ACAN: variants seen among roughly 807,000 people sequenced by gnomAD.
ACAN encodes the protein aggrecan core protein.
In ACAN, 47 loss-of-function variants were observed where a neutral mutation model predicts 169.1. The ratio of observed to expected loss-of-function variants is 0.28; its 90% CI spans 0.22 to 0.35. The LOEUF is 0.35. ACAN is among the 10% of genes least tolerant of loss of function. ACAN has a pLI of 1.00. For missense variants in ACAN, 2,716 were observed against 2,759.9 expected (o/e 0.98, Z 0.36); for synonymous variants, 1,115 against 1,112.2 (o/e 1.00, Z -0.05).
Position 88,866,815 on chromosome 15 carries a change from A to G in ACAN, c.6947-1401A>G, listed in dbSNP as rs1897287421. Among the ~76,000 whole-genome samples the G allele has an allele frequency of 1.3e-5, 2 of 152,188 alleles. No individual in the cohort carries two copies. The highest frequency in any genetic ancestry group is 2.9e-5 in the Non-Finnish European group (2 of 68,036). On this transcript the variant is annotated intron_variant, in intron 13 of 18. Coordinates refer to ENST00000560601, the MANE Select transcript of ACAN (RefSeq NM_001369268.1). This position sits in a 1 kb window ranked among gnomAD's most constrained non-coding sequence, Gnocchi z 5.6. The stretch of plus-strand genomic sequence containing the variant: ...GGTCTGGTCTGCTCTTATGGGAGGC[A>G]AGAACTAAGTCTTGGCACATGTTTA...
intron 6 of ACAN, 54 bp from the exon 7 acceptor site, chr15:88,845,451 C>A: frequency 6.5e-7 from 1 of 1,548,304 alleles, no homozygotes; most frequent in Non-Finnish European, 8.7e-7. Flanking sequence ...TCCTCATCCC[C>A]CTCAAGCCGG....
rs547042824 is a variant in ACAN at position 88,805,956 on chromosome 15, C to T, written c.-8+2147C>T. 5.9e-5 allele frequency among the ~76,000 whole-genome samples: 9 copies of T among 152,272 alleles called. No individual in the cohort carries two copies. The South Asian group carries it at 6.2e-4, about 11-fold the overall frequency. On this transcript the variant is annotated intron_variant, in intron 1 of 18. Coordinates refer to ENST00000560601, the MANE Select transcript of ACAN (RefSeq NM_001369268.1). ...TTCTCCTCCTCTTATGCCCCCTCCC[C>T]AATTAGAGAGGGAGCTCCAAGAGAG...
In ACAN at chr15:88,851,620, T is replaced by C. The variant is rs2141595310; in HGVS notation, c.2027-174T>C. 3 of 676,738 alleles carry C rather than the reference T, an allele frequency of 4.4e-6. No homozygotes were observed. Among genetic ancestry groups the C allele is most frequent in the East Asian group, 5.5e-5 (2 of 36,106 alleles). 41.9% of individuals were successfully genotyped at this position (676,738 alleles called of 1,614,324 possible). A position where few individuals can be genotyped will look rare whatever the true frequency, so the allele number is the denominator to read the frequency against. ...AAAGTGCTGATGGTGCATATGGATA[T>C]TATATCATTGGTGCCGATGGCTCTT... On this transcript the variant is annotated intron_variant, in intron 10 of 18. Transcript: ENST00000560601. This position sits in a 1 kb window ranked among gnomAD's most constrained non-coding sequence, Gnocchi z 4.3.
intron 1 of ACAN, among the ~76,000 whole-genome samples, chr15:88,833,406 C>T (rs188185695): frequency 1.2e-4 from 19 of 152,252 alleles, no homozygotes; most frequent in African/African-American, 4.1e-4. Flanking sequence ...TCAGGCTCCC[C>T]GTCCCCTTCC....
chr15:88,857,141 C>A lies in ACAN; in HGVS notation c.4556C>A (p.Ala1519Asp), dbSNP rs2141607165. The change falls in exon 12 of 19, where the codon GCT becomes GAT. Residue 1519 changes from alanine (A) to aspartate (D), a missense_variant. This residue lies in a region of ACAN where 1,389 missense variants were observed against 1,363.7 expected (regional missense o/e 1.02). Transcript: ENST00000560601. ...LPSGEGLETS[A>D]SGVEDLSRLP... ...TCAGGAGAAGGTCTAGAGACCTCTG[C>A]TTCTGGAGTAGAGGACCTCAGCAGG... is the stretch of plus-strand genomic sequence containing the variant. 6.2e-7 allele frequency: 1 copy of A among 1,607,228 alleles called. No homozygotes were observed.
Position 88,874,753 on chromosome 15 carries a change from C to G in ACAN, c.*272C>G. On this transcript the variant is annotated 3_prime_UTR_variant, in exon 19 of 19. Transcript: ENST00000560601. The surrounding 1 kb of genome is among the most constrained non-coding windows in gnomAD (Gnocchi z 7.3). The stretch of plus-strand genomic sequence containing the variant: ...TAGAGACATTTCTTCAATTTCCCAT[C>G]GTGCCTTTCCAGGGACCAGTGCAGG... 2 of 503,976 alleles carry G rather than the reference C, an allele frequency of 4.0e-6. No individual in the cohort carries two copies. Among genetic ancestry groups the G allele is most frequent in the Non-Finnish European group, 7.4e-6 (2 of 269,974 alleles). 31.2% of individuals were successfully genotyped at this position (503,976 alleles called of 1,614,324 possible).
chr15:88,867,495 G>A (rs188050924), intron 13 of ACAN, among the ~76,000 whole-genome samples: 43 of 152,314 alleles, frequency 2.8e-4, no homozygotes, highest in African/African-American at 7.2e-4. Flanking sequence ...GGGGCCTTAA[G>A]CTGAAAGGAG....
chr15:88,857,482 T>C lies in ACAN; in HGVS notation c.4897T>C (p.Tyr1633His), dbSNP rs375957533. The C allele has an allele frequency of 2.0e-5, 33 of 1,613,818 alleles. No individual in the cohort carries two copies. In the African/African-American group the frequency reaches 3.3e-4, roughly 16 times the overall value. Residue 1633 changes from tyrosine (Y) to histidine (H), a missense_variant, in exon 12 of 19, where the codon TAT becomes CAT. Physicochemically the swap from Tyr to His is moderately conservative, Grantham distance 83. This residue lies in a region of ACAN where 1,389 missense variants were observed against 1,363.7 expected (regional missense o/e 1.02). Coordinates refer to ENST00000560601, the MANE Select transcript of ACAN (RefSeq NM_001369268.1). Reference sequence around the variant, plus strand: ...TCTTCCCTCTGGATTTAGTGGTGAGTATTCTGGGGTGGACCTTGGAAGTGG... The same window carrying C: ...TCTTCCCTCTGGATTTAGTGGTGAGCATTCTGGGGTGGACCTTGGAAGTGG... ...SGLPSGFSGE[Y>H]SGVDLGSGPP...
intron 1 of ACAN, among the ~76,000 whole-genome samples, chr15:88,804,543 C>T (rs1895628313): frequency 6.6e-6 from 1 of 152,174 alleles, no homozygotes. Flanking sequence ...TGAGGACACA[C>T]GACCACGAGC....
intron 1 of ACAN, among the ~76,000 whole-genome samples, chr15:88,822,786 G>C (rs914131658): frequency 2.6e-5 from 4 of 152,098 alleles, no homozygotes; most frequent in Non-Finnish European, 5.9e-5. Context: ...CTGGAATCAG[G>C]GGTTGCAATT....
rs543921168 is a variant in ACAN at position 88,869,395 on chromosome 15, A to AG, written c.7060+1068dup. Among the ~76,000 whole-genome samples, 273 of 152,274 alleles carry AG rather than the reference A, an allele frequency of 1.8e-3. 2 individuals carry two copies. Among genetic ancestry groups the AG allele is most frequent in the Non-Finnish European group, 2.4e-3 (162 of 68,018 alleles). ...TTCATATTCCTTTGAGGCACTGCCAAGGTTACAGACTGGTAGAGGAACTTA... is the reference window on the plus strand; with the variant it reads ...TTCATATTCCTTTGAGGCACTGCCAAGGGTTACAGACTGGTAGAGGAACTTA... On this transcript the variant is annotated intron_variant, in intron 14 of 18. Coordinates refer to ENST00000560601, the MANE Select transcript of ACAN (RefSeq NM_001369268.1). This position sits in a 1 kb window ranked among gnomAD's most constrained non-coding sequence, Gnocchi z 4.2.
chr15:88,875,036 G>C lies in ACAN; in HGVS notation c.*555G>C, dbSNP rs1292584546. 5.8e-6 allele frequency: 1 copy of C among 173,680 alleles called. No individual in the cohort carries two copies. Among genetic ancestry groups the C allele is most frequent in the Non-Finnish European group, 1.2e-5 (1 of 80,726 alleles). 10.8% of individuals were successfully genotyped at this position (173,680 alleles called of 1,614,324 possible). On this transcript the variant is annotated 3_prime_UTR_variant, in exon 19 of 19. Transcript: ENST00000560601. This position sits in a 1 kb window ranked among gnomAD's most constrained non-coding sequence, Gnocchi z 4.8. Reference sequence around the variant, plus strand: ...GAGGGAAAAGCCTTGGGGGAGAGGGGTGGGTTCCTGCCTCCTGCCGAGGGT... The same window carrying C: ...GAGGGAAAAGCCTTGGGGGAGAGGGCTGGGTTCCTGCCTCCTGCCGAGGGT...
At position 88,843,522 on chromosome 15, in the gene ACAN, T is replaced by C; in HGVS notation, c.925T>C (p.Tyr309His). Reference protein sequence around the residue: ...AGWLADRSVRYPISKARPNCG... With the variant: ...AGWLADRSVRHPISKARPNCG... ...CTGGCTGGCCGACCGCAGCGTGCGC[T>C]ACCCCATCTCCAAGGCCCGGCCCAA... The change falls in exon 6 of 19, where the codon TAC becomes CAC. Residue 309 changes from tyrosine to histidine, a missense_variant. Around this residue, in one of 3 missense-constraint regions of ACAN, gnomAD observed 1,283 missense variants for 1,281.5 expected, o/e 1.00. Transcript: ENST00000560601. The surrounding 1 kb of genome is among the most constrained non-coding windows in gnomAD (Gnocchi z 4.0). The C allele has an allele frequency of 6.2e-7, 1 of 1,612,702 alleles. No individual in the cohort carries two copies. The highest frequency in any genetic ancestry group is 8.5e-7 in the Non-Finnish European group (1 of 1,179,724).
chr15:88,840,328 C>T (rs1405282882), intron 4 of ACAN, 142 bp downstream of exon 4: 6 of 1,047,510 alleles, frequency 5.7e-6, no homozygotes, highest in Non-Finnish European at 8.0e-6. Context: ...GCCGTGGTCA[C>T]ACCTTGGCCA....
chr15:88,839,175 C>T lies in ACAN; in HGVS notation c.454+129C>T, dbSNP rs1896587210. Reference sequence around the variant, plus strand: ...CACGCACCTCAGCCAAGTTACTTAACTTCAGCTGCTTCCTCTGTGACATGG... The same window carrying T: ...CACGCACCTCAGCCAAGTTACTTAATTTCAGCTGCTTCCTCTGTGACATGG... On this transcript the variant is annotated intron_variant, in intron 3 of 18. Transcript: ENST00000560601. The surrounding 1 kb of genome is among the most constrained non-coding windows in gnomAD (Gnocchi z 4.5). 1.7e-6 allele frequency: 2 copies of T among 1,153,370 alleles called. No individual in the cohort carries two copies. Among genetic ancestry groups the T allele is most frequent in the Non-Finnish European group, 2.4e-6 (2 of 817,134 alleles). The allele number at this position is 1,153,370 out of a possible 1,614,324, so 71.4% of individuals were successfully genotyped here.
At chr15:88,826,188 C>G (rs573616470) in intron 1 of ACAN, among the ~76,000 whole-genome samples, 1 of 152,184 alleles carries the variant, frequency 6.6e-6, no homozygotes, top group South Asian at 2.1e-4. Context: ...TAGTAGGAAT[C>G]CAGATATTTT....
Position 88,874,438 on chromosome 15 carries a change from G to C in ACAN, c.7664G>C (p.Ser2555Thr). 1 of 1,607,704 alleles carries C rather than the reference G, an allele frequency of 6.2e-7. No individual in the cohort carries two copies. The highest frequency in any genetic ancestry group is 8.5e-7 in the Non-Finnish European group (1 of 1,177,466). Residue 2555 changes from serine to threonine, a missense_variant, in exon 19 of 19, where the codon AGC (serine) becomes ACC (threonine). Around this residue, in one of 3 missense-constraint regions of ACAN, gnomAD observed 1,389 missense variants for 1,363.7 expected, o/e 1.02. Coordinates refer to ENST00000560601, the MANE Select transcript of ACAN (RefSeq NM_001369268.1). This position sits in a 1 kb window ranked among gnomAD's most constrained non-coding sequence, Gnocchi z 7.3. ...TTYKRRLQKR[S>T]SRHPRRSRPS... ...TACAAACGCAGACTACAGAAGCGGA[G>C]CTCACGGCACCCTCGGAGGAGCCGC...
At position 88,846,871 on chromosome 15, in the gene ACAN, G is replaced by T. The variant is rs58739635; in HGVS notation, c.1430-372G>T. ...CAAAGCCTAAAATATTTACCATTCG[G>T]CTCTTTCCAGAAAACGCTTCCAACT... On this transcript the variant is annotated intron_variant, in intron 7 of 18. Coordinates refer to ENST00000560601, the MANE Select transcript of ACAN (RefSeq NM_001369268.1). Among the ~76,000 whole-genome samples the T allele has an allele frequency of 2.9e-3, 446 of 152,320 alleles. 1 individual carries two copies. The highest frequency in any genetic ancestry group is 0.01 in the African/African-American group (424 of 41,564).
chr15:88,869,087 G>C lies in ACAN; in HGVS notation c.7060+758G>C, dbSNP rs543266596. ...TCTACCAAAAGGAGCTGTGCACCAG[G>C]AACCCTCCCAGGGACAGACTGAACC... On this transcript the variant is annotated intron_variant, in intron 14 of 18. Coordinates refer to ENST00000560601, the MANE Select transcript of ACAN (RefSeq NM_001369268.1). This position sits in a 1 kb window ranked among gnomAD's most constrained non-coding sequence, Gnocchi z 4.2. 1.2e-4 allele frequency among the ~76,000 whole-genome samples: 19 copies of C among 152,232 alleles called. No individual in the cohort carries two copies. The highest frequency in any genetic ancestry group is 4.6e-4 in the African/African-American group (19 of 41,546).
Sources: gnomAD v4.1 joint callset for allele counts (sites outside exome capture counted in the v4.1 genomes callset) on GRCh38, gnomAD v4.1.1 for gene constraint, gnomAD v4.1.1 regional missense constraint, Gnocchi (gnomAD v3.1) non-coding constraint, MANE v1.5 for transcripts, NCBI Gene and HGNC (gene_info 2026-07-23, HGNC 2026-07-21) for gene names.